PICALM: variants seen among roughly 807,000 people sequenced by gnomAD.
The protein encoded by PICALM is phosphatidylinositol binding clathrin assembly protein.
Under a neutral mutation model 80.5 loss-of-function variants are expected in PICALM, and 40 were observed. That is an observed-to-expected ratio of 0.50 (90% CI 0.39 to 0.65). PICALM has a LOEUF of 0.65. PICALM is among the 30% of genes least tolerant of loss of function. The probability of loss-of-function intolerance (pLI) is 0.00; values close to 1 mark genes in which losing one functional copy is unlikely to be tolerated. For synonymous variants in PICALM, 288 were observed against 260.3 expected (o/e 1.11, Z -1.02); for missense variants, 676 against 778.9 (o/e 0.87, Z 1.57).
chr11:86,064,396 A>ATAATCC (rs2096413155), intron 1 of PICALM, among the ~76,000 whole-genome samples: 1 of 152,242 alleles, frequency 6.6e-6, no homozygotes, highest in African/African-American at 2.4e-5. Context: ...ATGGTGACTC[A>ATAATCC]CACCTATAAT....
At chr11:85,976,302 A>G (rs2094281422) in intron 18 of PICALM, among the ~76,000 whole-genome samples, 1 of 152,342 alleles carries the variant, frequency 6.6e-6, no homozygotes, top group East Asian at 1.9e-4. Context: ...ATATCAGGTT[A>G]TAAGACCTCA....
chr11:86,060,977 G>A (rs942643469), intron 1 of PICALM, among the ~76,000 whole-genome samples: 1 of 152,128 alleles, frequency 6.6e-6, no homozygotes, highest in Non-Finnish European at 1.5e-5. Context: ...CTCTGTGAAA[G>A]GCATTGTCAA....
At chr11:85,994,798 G>A (rs2094904186) in intron 12 of PICALM, among the ~76,000 whole-genome samples, 1 of 152,152 alleles carries the variant, frequency 6.6e-6, no homozygotes, top group South Asian at 2.1e-4. Context: ...CCGCCTCCGG[G>A]GTTCAAGTGA....
chr11:86,016,336 GAC>G (rs1259556585), intron 4 of PICALM, among the ~76,000 whole-genome samples: 1 of 152,070 alleles, frequency 6.6e-6, no homozygotes. Context: ...GTAAAATTCA[GAC>G]ACCTTATTCT....
chr11:86,056,137 A>AAAAAAAAAAAAAAAAAAAG (rs2096265603), intron 1 of PICALM, among the ~76,000 whole-genome samples: 1 of 144,784 alleles, frequency 6.9e-6, no homozygotes, highest in Non-Finnish European at 1.5e-5. Flanking sequence ...TCTGTCTTTA[A>AAAAAAAAAAAAAAAAAAAG]AAAAAAAAAA....
In PICALM at chr11:86,007,564, C is replaced by G; in HGVS notation, c.785G>C (p.Gly262Ala). The G allele has an allele frequency of 6.7e-7, 1 of 1,494,830 alleles. No homozygotes were observed. The allele number at this position is 1,494,830 out of a possible 1,614,324, so 92.6% of individuals were successfully genotyped here. Residue 262 changes from glycine to alanine, a missense_variant, in exon 8 of 20, where the codon GGT becomes GCT. Around this residue, in one of 2 missense-constraint regions of PICALM, gnomAD observed 285 missense variants for 395.4 expected, o/e 0.72. Transcript: ENST00000393346. ...KVAEQVGIDR[G>A]DIPDLSQAPS... ...TACCTGTGAAAGGTCTGGTATATCACCTCTGTCAATTCCAACTTGCTGTAA... is the reference window on the plus strand; with the variant it reads ...TACCTGTGAAAGGTCTGGTATATCAGCTCTGTCAATTCCAACTTGCTGTAA...
intron 1 of PICALM, among the ~76,000 whole-genome samples, chr11:86,042,265 G>A (rs574850057): frequency 3.3e-5 from 5 of 152,166 alleles, no homozygotes; most frequent in South Asian, 2.1e-4. Flanking sequence ...TGTAAGGGAT[G>A]AGGAAAATCA....
intron 1 of PICALM, among the ~76,000 whole-genome samples, chr11:86,042,133 G>A (rs2095982105): frequency 6.6e-6 from 1 of 152,168 alleles, no homozygotes; most frequent in Admixed American, 6.5e-5. Flanking sequence ...GATGCATTCA[G>A]GCTCATCTGT....
intron 13 of PICALM, among the ~76,000 whole-genome samples, chr11:85,988,060 A>G (rs925140759): frequency 1.3e-5 from 2 of 152,198 alleles, no homozygotes; most frequent in Admixed American, 6.5e-5. Context: ...AAGAGCCTCA[A>G]TTCTTTAGTT....
intron 4 of PICALM, among the ~76,000 whole-genome samples, chr11:86,020,991 C>A (rs1195669942): frequency 1.3e-5 from 2 of 152,022 alleles, no homozygotes; most frequent in African/African-American, 4.8e-5. Flanking sequence ...GAAACTGGTG[C>A]CCAGAACATA....
chr11:85,977,358 G>A (rs991424164), intron 17 of PICALM, among the ~76,000 whole-genome samples: 12 of 152,182 alleles, frequency 7.9e-5, no homozygotes, highest in African/African-American at 2.9e-4. Context: ...TCACTATGAT[G>A]TTTAAGTTCC....
intron 1 of PICALM, among the ~76,000 whole-genome samples, chr11:86,058,482 A>G (rs1188086887): frequency 6.6e-6 from 1 of 152,212 alleles, no homozygotes; most frequent in Non-Finnish European, 1.5e-5. Context: ...CTTTCAAGTA[A>G]TAAGTTCATG....
At chr11:85,962,327 C>T (rs188475230) in intron 19 of PICALM, among the ~76,000 whole-genome samples, 1 of 152,344 alleles carries the variant, frequency 6.6e-6, no homozygotes, top group East Asian at 1.9e-4. Flanking sequence ...AACTTGGTTT[C>T]TCTCTGAAGC....
chr11:86,065,300 G>C lies in PICALM; in HGVS notation c.130+3351C>G, dbSNP rs189056317. 2.6e-5 allele frequency among the ~76,000 whole-genome samples: 4 copies of C among 152,136 alleles called. No homozygotes were observed. In the East Asian group the frequency reaches 7.7e-4, roughly 29 times the overall value. ...ATCTCTACTAAAAATACAAAAATTAGCTGGGTGTGGTGGCATGCGCCTGTA... is the reference window on the plus strand; with the variant it reads ...ATCTCTACTAAAAATACAAAAATTACCTGGGTGTGGTGGCATGCGCCTGTA... On this transcript the variant is annotated intron_variant, in intron 1 of 19. Transcript: ENST00000393346.
At chr11:85,963,741 TTGGTTATAGAGCG>T (rs200154921) in intron 19 of PICALM, among the ~76,000 whole-genome samples, 2,149 of 152,216 alleles carry the variant, frequency 0.014, 28 homozygotes, top group Middle Eastern at 0.031. Context: ...AATGATTTTT[TTGGTTATAGAGCG>T]TGTTTCATAT....
chr11:86,003,166 A>G (rs751151091), intron 9 of PICALM, among the ~76,000 whole-genome samples, 200 bp downstream of exon 9: 2 of 152,262 alleles, frequency 1.3e-5, no homozygotes, highest in Non-Finnish European at 2.9e-5. Flanking sequence ...ATTGAAGGTC[A>G]GAAACAATTT....
Position 86,036,162 on chromosome 11 carries a change from T to C in PICALM, c.131-4551A>G, listed in dbSNP as rs924667994. Among the ~76,000 whole-genome samples the C allele has an allele frequency of 3.9e-5, 6 of 152,144 alleles. No homozygotes were observed. The East Asian group carries it at 5.8e-4, about 15-fold the overall frequency. Reference sequence around the variant, plus strand: ...AAGTATCAGCAAAATTTTTTTCATATAGCAAAATTGTTTTAAGTATTTCAA... The same window carrying C: ...AAGTATCAGCAAAATTTTTTTCATACAGCAAAATTGTTTTAAGTATTTCAA... On this transcript the variant is annotated intron_variant, in intron 1 of 19. Coordinates refer to ENST00000393346, the MANE Select transcript of PICALM (RefSeq NM_007166.4).
chr11:86,043,545 GTT>G (rs2096012591), intron 1 of PICALM, among the ~76,000 whole-genome samples: 1 of 152,084 alleles, frequency 6.6e-6, no homozygotes. Flanking sequence ...TCCCATTTTT[GTT>G]TTAATTAATA....
In PICALM at chr11:85,985,296, A is replaced by C. The variant is rs2094544071; in HGVS notation, c.1409-1323T>G. On this transcript the variant is annotated intron_variant, in intron 13 of 19. Transcript: ENST00000393346. ...ACAAGATTTGGTGAGATGTCCAAGA[A>C]GGTCCTCAAAGACAGAAACAACAAT... 2.0e-5 allele frequency among the ~76,000 whole-genome samples: 3 copies of C among 152,204 alleles called. No individual in the cohort carries two copies. In the South Asian group the frequency reaches 6.2e-4, roughly 31 times the overall value.
Sources: allele counts gnomAD v4.1 joint callset (sites outside exome capture counted in the v4.1 genomes callset), GRCh38; gene constraint gnomAD v4.1.1; regional missense constraint gnomAD v4.1.1; transcripts MANE v1.5; gene names NCBI Gene and HGNC (gene_info 2026-07-23, HGNC 2026-07-21).